Variants in SLC6A11 observed in about 807,000 individuals in gnomAD.
The protein encoded by SLC6A11 is solute carrier family 6 member 11, also known as sodium- and chloride-dependent GABA transporter 3.
A neutral mutation model predicts 74.8 loss-of-function variants in SLC6A11; 25 were observed. The ratio of observed to expected loss-of-function variants is 0.33; its 90% confidence interval spans 0.24 to 0.47. The LOEUF is 0.47. Among genes scored for constraint, SLC6A11 ranks in the 20% least tolerant of loss-of-function variants. The pLI, the probability that SLC6A11 is intolerant of heterozygous loss-of-function variation, is 1.00. For synonymous variants in SLC6A11, 330 were observed against 330.2 expected (o/e 1.00, Z 0.01); for missense variants, 574 against 837.0 (o/e 0.69, Z 3.88).
chr3:10,888,125 C>T (rs898081107), intron 6 of SLC6A11, among the ~76,000 whole-genome samples: 2 of 152,204 alleles, frequency 1.3e-5, no homozygotes, highest in Non-Finnish European at 2.9e-5. Flanking sequence ...CATGTGAATG[C>T]CTGCTCTTCA....
intron 11 of SLC6A11, 125 bp from the exon 12 acceptor site, chr3:10,933,941 C>T: frequency 3.0e-6 from 2 of 660,708 alleles, no homozygotes; most frequent in South Asian, 3.8e-5. Flanking sequence ...TTAAGCAGTA[C>T]AAAGATTCCT....
chr3:10,834,812 C>T (rs932506005), intron 4 of SLC6A11, among the ~76,000 whole-genome samples: 4 of 152,182 alleles, frequency 2.6e-5, no homozygotes, highest in African/African-American at 4.8e-5. Flanking sequence ...AAATAGACAG[C>T]ACTTAAAGGT....
intron 6 of SLC6A11, among the ~76,000 whole-genome samples, chr3:10,879,266 A>G (rs1055060289): frequency 1.3e-5 from 2 of 152,156 alleles, no homozygotes; most frequent in African/African-American, 2.4e-5. Context: ...AAAAGCAACT[A>G]TGTCCCCAAA....
intron 4 of SLC6A11, among the ~76,000 whole-genome samples, chr3:10,838,393 T>C (rs1339106244): frequency 6.6e-6 from 1 of 152,196 alleles, no homozygotes; most frequent in South Asian, 2.1e-4. Context: ...CCTCCCAACC[T>C]TGGGCTCACT....
intron 4 of SLC6A11, among the ~76,000 whole-genome samples, chr3:10,835,359 G>A (rs1160529549): frequency 2.6e-5 from 4 of 152,198 alleles, no homozygotes; most frequent in South Asian, 2.1e-4. Context: ...TGGGATCCAC[G>A]TTCTGCGAGA....
intron 6 of SLC6A11, among the ~76,000 whole-genome samples, chr3:10,880,186 G>A (rs762776424): frequency 2.6e-5 from 4 of 152,178 alleles, no homozygotes; most frequent in Non-Finnish European, 4.4e-5. Flanking sequence ...AGGAAGAGGG[G>A]TCGACTGGAA....
At chr3:10,938,120 T>TGGG (rs1447888762) in intron 13 of SLC6A11, 130 bp from the exon 14 acceptor site, 9 of 821,148 alleles carry the variant, frequency 1.1e-5, no homozygotes, top group African/African-American at 1.7e-5. Flanking sequence ...GGGGCCAAGC[T>TGGG]GGGGCCCGGA....
Position 10,842,936 on chromosome 3 carries a change from C to T in SLC6A11, c.624-1278C>T, listed in dbSNP as rs997403241. ...AATTAATGCAGAATCAGGCCCCAAG[C>T]GGATTCCCAGGGAGACAGACACTGA... On this transcript the variant is annotated intron_variant, in intron 4 of 13. Coordinates refer to ENST00000254488, the MANE Select transcript of SLC6A11 (RefSeq NM_014229.3). Among the ~76,000 whole-genome samples the T allele has an allele frequency of 2.0e-5, 3 of 152,202 alleles. No homozygotes were observed. The East Asian group carries it at 5.8e-4, about 29-fold the overall frequency.
chr3:10,887,059 G>A (rs1357679097), intron 6 of SLC6A11, among the ~76,000 whole-genome samples: 1 of 152,176 alleles, frequency 6.6e-6, no homozygotes, highest in Non-Finnish European at 1.5e-5. Flanking sequence ...CTGGATGAAT[G>A]TATGGACAGA....
At chr3:10,834,735 A>G (rs1396793500) in intron 4 of SLC6A11, among the ~76,000 whole-genome samples, 1 of 152,138 alleles carries the variant, frequency 6.6e-6, no homozygotes, top group Admixed American at 6.5e-5. Flanking sequence ...TGACCTTTTC[A>G]CTTAGGAATT....
chr3:10,823,553 A>T, intron 4 of SLC6A11, 161 bp downstream of exon 4: 1 of 603,854 alleles, frequency 1.7e-6, no homozygotes, highest in South Asian at 2.0e-5. Context: ...AAGAGTGCAG[A>T]TCTTCAGAGG....
rs1177031505 is a variant in SLC6A11, at chr3:10,938,444, C to G, written c.*42C>G. The G allele has an allele frequency of 6.5e-7, 1 of 1,544,258 alleles. No homozygotes were observed. Among genetic ancestry groups the G allele is most frequent in the African/African-American group, 1.4e-5 (1 of 73,064 alleles). ...TGGGGCTCTTCTTCCTTTCTTCCCC[C>G]CGTGTATGTAAATGAATTCCTGAAC... On this transcript the variant is annotated 3_prime_UTR_variant, in exon 14 of 14. Coordinates refer to ENST00000254488, the MANE Select transcript of SLC6A11 (RefSeq NM_014229.3).
chr3:10,818,809 G>A (rs1694098291), intron 1 of SLC6A11, among the ~76,000 whole-genome samples: 1 of 152,204 alleles, frequency 6.6e-6, no homozygotes, highest in South Asian at 2.1e-4. Context: ...TGGGTATTGT[G>A]TTTCAAGACA....
intron 4 of SLC6A11, among the ~76,000 whole-genome samples, chr3:10,832,399 T>A (rs576153253): frequency 1.3e-5 from 2 of 152,268 alleles, no homozygotes; most frequent in South Asian, 2.1e-4. Flanking sequence ...TTGGGCCACA[T>A]GCAGCACTCT....
intron 5 of SLC6A11, among the ~76,000 whole-genome samples, chr3:10,862,894 C>T (rs1694719448): frequency 6.6e-6 from 1 of 152,262 alleles, no homozygotes; most frequent in Non-Finnish European, 1.5e-5. Flanking sequence ...CAGAATCCAG[C>T]ATAGGGCCTG....
In SLC6A11 at chr3:10,918,516, T is replaced by G. The variant is rs910428758; in HGVS notation, c.1120+63T>G. 2 of 1,544,596 alleles carry G rather than the reference T, an allele frequency of 1.3e-6. No homozygotes were observed. Among genetic ancestry groups the G allele is most frequent in the Non-Finnish European group, 1.7e-6 (2 of 1,148,648 alleles). ...GGGAGGCCAGGAGTGATGGTCATCA[T>G]GGAAATGCGATCTTCCTCCTCGGCT... On this transcript the variant is annotated intron_variant, in intron 8 of 13. Transcript: ENST00000254488. This position sits in a 1 kb window ranked among gnomAD's most constrained non-coding sequence, Gnocchi z 4.5.
chr3:10,903,452 A>T (rs1488411599), intron 6 of SLC6A11, among the ~76,000 whole-genome samples: 1 of 152,152 alleles, frequency 6.6e-6, no homozygotes, highest in Non-Finnish European at 1.5e-5. Flanking sequence ...CCTCTCTGCC[A>T]GATGTTGTAT....
At chr3:10,872,250 G>C (rs1041068426) in intron 5 of SLC6A11, among the ~76,000 whole-genome samples, 3 of 152,172 alleles carry the variant, frequency 2.0e-5, no homozygotes, top group Non-Finnish European at 4.4e-5. Flanking sequence ...TAACTTCTCT[G>C]GCCTTTGTCA....
Position 10,864,563 on chromosome 3 carries a change from G to A in SLC6A11, c.757-10398G>A, listed in dbSNP as rs1220613793. ...TTACAGGGCAGGCTTCCTCCCTGTT[G>A]GGTGTGTCTGTGATGGTGCACTTGG... On this transcript the variant is annotated intron_variant, in intron 5 of 13. Transcript: ENST00000254488. 3.9e-5 allele frequency among the ~76,000 whole-genome samples: 6 copies of A among 152,146 alleles called. No homozygotes were observed. The South Asian group carries it at 1.2e-3, about 32-fold the overall frequency.
Sources: allele counts gnomAD v4.1 joint callset (sites outside exome capture counted in the v4.1 genomes callset), GRCh38; gene constraint gnomAD v4.1.1; non-coding constraint Gnocchi (gnomAD v3.1); transcripts MANE v1.5; gene names NCBI Gene and HGNC (gene_info 2026-07-23, HGNC 2026-07-21).